The following LRRC4C variants were observed in gnomAD, a reference collection of about 807,000 sequenced individuals.
LRRC4C encodes the protein leucine-rich repeat-containing protein 4C.
A neutral mutation model predicts 33.6 loss-of-function variants in LRRC4C; 5 were observed. That is an observed-to-expected ratio of 0.15 (90% CI 0.08 to 0.31). LRRC4C has a LOEUF of 0.31. Ranked by LOEUF, LRRC4C falls within the 10% of genes least tolerant of loss-of-function variation. LRRC4C has a pLI of 1.00. For synonymous variants in LRRC4C, 329 were observed against 302.0 expected (o/e 1.09, Z -0.93); for missense variants, 560 against 796.7 (o/e 0.70, Z 3.58).
chr11:40,339,118 A>G (rs1286582196), intron 3 of LRRC4C, among the ~76,000 whole-genome samples: 2 of 152,202 alleles, frequency 1.3e-5, no homozygotes, highest in East Asian at 3.9e-4. Flanking sequence ...GATTTCTCGC[A>G]GGAACATATT....
intron 1 of LRRC4C, among the ~76,000 whole-genome samples, chr11:41,087,294 C>T (rs1487044059): frequency 6.6e-6 from 1 of 152,092 alleles, no homozygotes; most frequent in African/African-American, 2.4e-5. Flanking sequence ...ATCTCCAAAA[C>T]ATATTTTACT....
At chr11:41,288,601 A>T (rs950979771) in intron 1 of LRRC4C, among the ~76,000 whole-genome samples, 1 of 152,186 alleles carries the variant, frequency 6.6e-6, no homozygotes, top group Non-Finnish European at 1.5e-5. Flanking sequence ...TAAGTGGTTG[A>T]ACTCCCATAA....
At chr11:40,981,252 A>G (rs1021740449) in intron 1 of LRRC4C, among the ~76,000 whole-genome samples, 4 of 152,182 alleles carry the variant, frequency 2.6e-5, no homozygotes, top group African/African-American at 4.8e-5. Context: ...CGTCTCTACT[A>G]AAAATACAAA....
At chr11:40,800,370 G>A (rs183262318) in intron 2 of LRRC4C, among the ~76,000 whole-genome samples, 1 of 152,194 alleles carries the variant, frequency 6.6e-6, no homozygotes, top group African/African-American at 2.4e-5. Context: ...ATTGTTTGAG[G>A]GGGAATTCAA....
intron 1 of LRRC4C, among the ~76,000 whole-genome samples, chr11:40,969,426 T>A (rs1282179884): frequency 6.6e-6 from 1 of 150,576 alleles, no homozygotes; most frequent in Non-Finnish European, 1.5e-5. Flanking sequence ...AAAGTTTTAC[T>A]GTGGGTAAAA....
intron 4 of LRRC4C, among the ~76,000 whole-genome samples, chr11:40,305,701 A>G (rs1944996558): frequency 6.6e-6 from 1 of 152,046 alleles, no homozygotes; most frequent in African/African-American, 2.4e-5. Flanking sequence ...GCCCAACACC[A>G]GAAGTTTCAG....
intron 5 of LRRC4C, among the ~76,000 whole-genome samples, chr11:40,145,004 C>T (rs539544547): frequency 6.6e-6 from 1 of 152,280 alleles, no homozygotes; most frequent in South Asian, 2.1e-4. Flanking sequence ...AGTTTTCCAA[C>T]TCGTACTTGC....
At chr11:41,264,229 C>A (rs1949077686) in intron 1 of LRRC4C, among the ~76,000 whole-genome samples, 2 of 151,738 alleles carry the variant, frequency 1.3e-5, no homozygotes, top group Non-Finnish European at 2.9e-5. Context: ...GTAGCTGGGA[C>A]TACAGGTGCA....
At chr11:40,236,911 T>C (rs906949995) in intron 5 of LRRC4C, among the ~76,000 whole-genome samples, 4 of 152,186 alleles carry the variant, frequency 2.6e-5, no homozygotes, top group African/African-American at 7.2e-5. Flanking sequence ...TAGTATGAAG[T>C]AAGTGCTTAA....
In LRRC4C at chr11:40,578,876, T is replaced by C. The variant is rs182808141; in HGVS notation, c.-270+69266A>G. On this transcript the variant is annotated intron_variant, in intron 3 of 6. Transcript: ENST00000528697. Reference sequence around the variant, plus strand: ...TTTTTATTGCAGAATTTCTAGCATCTAGAAGAGAGCTTCGCCTGTGGTAGG... The same window carrying C: ...TTTTTATTGCAGAATTTCTAGCATCCAGAAGAGAGCTTCGCCTGTGGTAGG... 1.4e-4 allele frequency among the ~76,000 whole-genome samples: 22 copies of C among 152,352 alleles called. No homozygotes were observed. The East Asian group carries it at 4.2e-3, about 29-fold the overall frequency.
At chr11:41,359,723 A>C (rs1952283181) in intron 1 of LRRC4C, among the ~76,000 whole-genome samples, 1 of 152,192 alleles carries the variant, frequency 6.6e-6, no homozygotes, top group Non-Finnish European at 1.5e-5. Flanking sequence ...TTTAAAAAAT[A>C]AATCATAGAG....
chr11:40,116,622 A>T (rs1255958831), intron 6 of LRRC4C, among the ~76,000 whole-genome samples: 2 of 152,184 alleles, frequency 1.3e-5, no homozygotes, highest in South Asian at 4.1e-4. Context: ...GCCCAAATGC[A>T]TGAGGACATA....
At chr11:40,538,955 T>G (rs569094815) in intron 3 of LRRC4C, among the ~76,000 whole-genome samples, 140 of 152,350 alleles carry the variant, frequency 9.2e-4, no homozygotes, top group Non-Finnish European at 1.6e-3. Context: ...GAGAAGTGTC[T>G]GTTAATATCC....
chr11:40,259,600 G>A (rs1214015252), intron 4 of LRRC4C, among the ~76,000 whole-genome samples: 1 of 152,110 alleles, frequency 6.6e-6, no homozygotes, highest in East Asian at 1.9e-4. Context: ...AAGGTGTAAG[G>A]AAGGGATCCA....
At chr11:40,157,974 A>C (rs906605868) in intron 5 of LRRC4C, among the ~76,000 whole-genome samples, 1 of 152,220 alleles carries the variant, frequency 6.6e-6, no homozygotes, top group African/African-American at 2.4e-5. Flanking sequence ...ACATGTTTAC[A>C]GCAGCACAAT....
chr11:40,589,756 T>G (rs1397712262), intron 3 of LRRC4C, among the ~76,000 whole-genome samples: 1 of 151,178 alleles, frequency 6.6e-6, no homozygotes, highest in Non-Finnish European at 1.5e-5. Flanking sequence ...TGGCTGGATA[T>G]GAAATTCTGG....
At chr11:40,850,690 G>A (rs1004069517) in intron 2 of LRRC4C, among the ~76,000 whole-genome samples, 9 of 152,222 alleles carry the variant, frequency 5.9e-5, no homozygotes, top group Non-Finnish European at 1.2e-4. Context: ...TTCAGAGCTG[G>A]CAGGCAGGAA....
intron 1 of LRRC4C, among the ~76,000 whole-genome samples, chr11:41,314,801 A>T (rs77475201): frequency 1.3e-5 from 2 of 148,430 alleles, no homozygotes; most frequent in African/African-American, 2.5e-5. Context: ...GTATAATAAT[A>T]AAAAAAAAAC....
At chr11:40,302,197 C>A (rs76486782) in intron 4 of LRRC4C, among the ~76,000 whole-genome samples, 2 of 152,118 alleles carry the variant, frequency 1.3e-5, no homozygotes, top group African/African-American at 4.8e-5. Context: ...GTGACTGTTA[C>A]GTGAGTGAGT....
Sources: allele counts gnomAD v4.1 joint callset (sites outside exome capture counted in the v4.1 genomes callset), GRCh38; gene constraint gnomAD v4.1.1; transcripts MANE v1.5; gene names NCBI Gene and HGNC (gene_info 2026-07-23, HGNC 2026-07-21).